The following KCNH1 variants were observed in gnomAD, a reference collection of about 807,000 sequenced individuals.
KCNH1 encodes the protein voltage-gated delayed rectifier potassium channel KCNH1.
In KCNH1, 27 loss-of-function variants were observed where a neutral mutation model predicts 69.2. The observed-to-expected ratio is 0.39, with a 90% confidence interval of 0.29 to 0.54. The LOEUF is 0.54. Ranked by LOEUF, KCNH1 falls within the 20% of genes least tolerant of loss-of-function variation. The pLI is 0.68. For synonymous variants in KCNH1, 456 were observed against 487.7 expected (o/e 0.93, Z 0.86); for missense variants, 798 against 1,261.6 (o/e 0.63, Z 5.57).
chr1:211,015,471 A>G (rs1197478263), intron 6 of KCNH1, among the ~76,000 whole-genome samples: 19 of 152,088 alleles, frequency 1.2e-4, no homozygotes, highest in Admixed American at 1.2e-3. Flanking sequence ...TCAGGCTGTG[A>G]CCTCAAGTGG....
At chr1:211,119,763 G>A (rs1017374420) in intron 1 of KCNH1, among the ~76,000 whole-genome samples, 4 of 152,092 alleles carry the variant, frequency 2.6e-5, no homozygotes, top group African/African-American at 2.4e-5. Context: ...GAAAACAAAC[G>A]GAACTCTCAA....
At chr1:210,932,578 A>G (rs1687697551) in intron 6 of KCNH1, among the ~76,000 whole-genome samples, 1 of 152,164 alleles carries the variant, frequency 6.6e-6, no homozygotes, top group African/African-American at 2.4e-5. Context: ...TGAATGAATA[A>G]AAAACCAAGA....
At chr1:210,805,254 A>G (rs1296104394) in intron 7 of KCNH1, among the ~76,000 whole-genome samples, 1 of 152,170 alleles carries the variant, frequency 6.6e-6, no homozygotes, top group African/African-American at 2.4e-5. Context: ...TACTTAATAA[A>G]TATTTGTCAA....
intron 5 of KCNH1, among the ~76,000 whole-genome samples, chr1:211,074,639 G>A (rs1325034005): frequency 6.6e-6 from 1 of 152,152 alleles, no homozygotes; most frequent in Non-Finnish European, 1.5e-5. Flanking sequence ...TGGCACTCAG[G>A]TATTTAAGCC....
At chr1:210,710,395 G>C (rs984359143) in intron 10 of KCNH1, among the ~76,000 whole-genome samples, 1 of 152,104 alleles carries the variant, frequency 6.6e-6, no homozygotes, top group African/African-American at 2.4e-5. Context: ...GTAGAAATGG[G>C]TGGGTGGATT....
intron 3 of KCNH1, among the ~76,000 whole-genome samples, chr1:211,097,869 G>A (rs1571644708): frequency 6.6e-6 from 1 of 152,230 alleles, no homozygotes; most frequent in East Asian, 1.9e-4. Context: ...GGAGTCACAT[G>A]CTGGGGAGTG....
At chr1:210,968,335 C>T (rs1688448150) in intron 6 of KCNH1, among the ~76,000 whole-genome samples, 1 of 137,184 alleles carries the variant, frequency 7.3e-6, no homozygotes, top group East Asian at 2.1e-4. Context: ...CATACGTGTG[C>T]ATGTGTCTTT....
In KCNH1 at chr1:211,124,547, GC is replaced by G. The variant is rs373402477; in HGVS notation, c.79+9319del. The stretch of plus-strand genomic sequence containing the variant: ...TAGTCCCAGCTGCTCAGAAGGCTAA[GC>G]CAGGGAAATCGCAAGCCGAGATCGC... On this transcript the variant is annotated intron_variant, in intron 1 of 10. Transcript: ENST00000271751. Among the ~76,000 whole-genome samples, 322 of 152,248 alleles carry G rather than the reference GC, an allele frequency of 2.1e-3. 1 individual carries two copies. The highest frequency in any genetic ancestry group is 7.5e-3 in the African/African-American group (313 of 41,548).
intron 7 of KCNH1, among the ~76,000 whole-genome samples, chr1:210,846,992 C>T (rs1432258736): frequency 6.6e-6 from 1 of 152,222 alleles, no homozygotes; most frequent in Non-Finnish European, 1.5e-5. Flanking sequence ...CTCACCATCA[C>T]TGGCCATCAG....
At chr1:210,955,458 TG>T (rs1386323181) in intron 6 of KCNH1, among the ~76,000 whole-genome samples, 2 of 152,230 alleles carry the variant, frequency 1.3e-5, no homozygotes, top group Admixed American at 6.5e-5. Flanking sequence ...GGTAGCTTGA[TG>T]GGGATGGCAT....
At chr1:210,718,353 TAC>T (rs374445451) in intron 10 of KCNH1, among the ~76,000 whole-genome samples, 18 of 115,142 alleles carry the variant, frequency 1.6e-4, no homozygotes, top group Non-Finnish European at 2.8e-4. Context: ...TATGTATATA[TAC>T]ATATATTTAT....
chr1:210,886,589 CA>C (rs1224247761), intron 7 of KCNH1, among the ~76,000 whole-genome samples: 2 of 151,860 alleles, frequency 1.3e-5, no homozygotes, highest in Non-Finnish European at 2.9e-5. Context: ...TGTGTAATAA[CA>C]AACTTCTCCG....
chr1:211,065,992 G>A (rs899531455), intron 5 of KCNH1, among the ~76,000 whole-genome samples: 5 of 151,994 alleles, frequency 3.3e-5, no homozygotes, highest in Admixed American at 2.6e-4. Context: ...CTGGGAGGTC[G>A]AGGCTCCAGT....
intron 1 of KCNH1, among the ~76,000 whole-genome samples, chr1:211,111,228 A>G (rs979527420): frequency 7.9e-5 from 12 of 152,178 alleles, no homozygotes; most frequent in Non-Finnish European, 1.3e-4. Flanking sequence ...TCCTTTCGTA[A>G]GCATACCCTC....
At chr1:210,886,476 G>A (rs1427998036) in intron 7 of KCNH1, among the ~76,000 whole-genome samples, 7 of 152,054 alleles carry the variant, frequency 4.6e-5, no homozygotes, top group Admixed American at 2.0e-4. Flanking sequence ...CCAAAAACCA[G>A]AATGCTTCTT....
In KCNH1 at chr1:211,133,746, C is replaced by T; in HGVS notation, c.79+121G>A. Reference sequence around the variant, plus strand: ...GGGAGGCTGCCCTGGGTGCCCGCGCCGCGGCTCCTTAGCAGAGCTCGCGGG... The same window carrying T: ...GGGAGGCTGCCCTGGGTGCCCGCGCTGCGGCTCCTTAGCAGAGCTCGCGGG... On this transcript the variant is annotated intron_variant, in intron 1 of 10. Transcript: ENST00000271751. The surrounding 1 kb of genome is among the most constrained non-coding windows in gnomAD (Gnocchi z 5.4). 1.1e-6 allele frequency: 1 copy of T among 907,238 alleles called. No individual in the cohort carries two copies. The highest frequency in any genetic ancestry group is 2.8e-5 in the East Asian group (1 of 36,038). 56.2% of individuals were successfully genotyped at this position (907,238 alleles called of 1,614,324 possible).
chr1:211,116,531 A>C (rs1691585904), intron 1 of KCNH1, among the ~76,000 whole-genome samples: 1 of 151,944 alleles, frequency 6.6e-6, no homozygotes, highest in Non-Finnish European at 1.5e-5. Context: ...GTGTCCACCC[A>C]CCCCTAGATA....
At chr1:210,872,630 A>G (rs1686278149) in intron 7 of KCNH1, among the ~76,000 whole-genome samples, 1 of 152,052 alleles carries the variant, frequency 6.6e-6, no homozygotes. Flanking sequence ...AGGGGGAGCA[A>G]GGTGTCTTAC....
intron 9 of KCNH1, among the ~76,000 whole-genome samples, chr1:210,791,771 A>G (rs1473693009): frequency 1.3e-5 from 2 of 152,226 alleles, no homozygotes; most frequent in African/African-American, 4.8e-5. Context: ...GATTAAGACC[A>G]TGTTATGCTC....
Sources: gnomAD v4.1 joint callset for allele counts (sites outside exome capture counted in the v4.1 genomes callset) on GRCh38, gnomAD v4.1.1 for gene constraint, Gnocchi (gnomAD v3.1) non-coding constraint, MANE v1.5 for transcripts, NCBI Gene and HGNC (gene_info 2026-07-23, HGNC 2026-07-21) for gene names.